The following KCNK1 variants were observed in gnomAD, a reference collection of about 807,000 sequenced individuals.
KCNK1 encodes the protein potassium channel subfamily K member 1.
A neutral mutation model predicts 22.2 loss-of-function variants in KCNK1; 10 were observed. The observed-to-expected ratio is 0.45, with a 90% confidence interval of 0.28 to 0.76. The LOEUF (loss-of-function observed/expected upper bound fraction) is 0.76. KCNK1 is among the 30% of genes least tolerant of loss of function. The probability of loss-of-function intolerance (pLI) is 0.14; values close to 1 mark genes in which losing one functional copy is unlikely to be tolerated. For synonymous variants in KCNK1, 200 were observed against 186.4 expected (o/e 1.07, Z -0.60); for missense variants, 378 against 421.0 (o/e 0.90, Z 0.89).
In KCNK1 at chr1:233,671,349, G is replaced by C; in HGVS notation, c.830G>C (p.Arg277Thr). The change falls in exon 3 of 3, where the codon AGA (arginine) becomes ACA (threonine). Residue 277 changes from arginine (R) to threonine (T), a missense_variant. Coordinates refer to ENST00000366621, the MANE Select transcript of KCNK1 (RefSeq NM_002245.4). ...FCELHELKKFRKMFYVKKDKD... is the reference protein window; with the variant it reads ...FCELHELKKFTKMFYVKKDKD... Reference sequence around the variant, plus strand: ...GAACTCCATGAGCTGAAAAAATTCAGAAAAATGTTCTATGTGAAGAAGGAC... The same window carrying C: ...GAACTCCATGAGCTGAAAAAATTCACAAAAATGTTCTATGTGAAGAAGGAC... 6.2e-7 allele frequency: 1 copy of C among 1,614,162 alleles called. No individual in the cohort carries two copies. The highest frequency in any genetic ancestry group is 1.1e-5 in the South Asian group (1 of 91,082).
rs1379599600 is a variant in KCNK1 at position 233,671,794 on chromosome 1, G to A, written c.*264G>A. ...ACAAAATTATCTCGACCTTACATAG[G>A]AGGAGAATACTTGAAGCAGTATGCT... On this transcript the variant is annotated 3_prime_UTR_variant, in exon 3 of 3. Transcript: ENST00000366621. 6.3e-6 allele frequency: 3 copies of A among 473,872 alleles called. No individual in the cohort carries two copies. The highest frequency in any genetic ancestry group is 1.1e-5 in the Non-Finnish European group (3 of 265,010). 29.4% of individuals were successfully genotyped at this position (473,872 alleles called of 1,614,324 possible).
At chr1:233,616,553 A>G (rs1457455841) in intron 1 of KCNK1, among the ~76,000 whole-genome samples, 22 of 152,198 alleles carry the variant, frequency 1.4e-4, no homozygotes, top group Admixed American at 1.4e-3. Context: ...ACAAGTGTTC[A>G]TTTAAGAAAT....
chr1:233,650,118 A>C, intron 1 of KCNK1: 1 of 498,156 alleles, frequency 2.0e-6, no homozygotes, highest in Non-Finnish European at 4.1e-6. Context: ...GGAGACCTAC[A>C]GTTCTCACCA....
At chr1:233,637,120 C>G (rs547126446) in intron 1 of KCNK1, among the ~76,000 whole-genome samples, 54 of 147,776 alleles carry the variant, frequency 3.7e-4, no homozygotes, top group Admixed American at 1.3e-3. Flanking sequence ...GGCGTGAACC[C>G]AGGAGGCGGA....
At chr1:233,670,453 C>G (rs539950889) in intron 2 of KCNK1, among the ~76,000 whole-genome samples, 1 of 152,248 alleles carries the variant, frequency 6.6e-6, no homozygotes, top group Non-Finnish European at 1.5e-5. Flanking sequence ...CGAGACTGGA[C>G]AATTTACAAA....
chr1:233,619,695 C>G (rs889178997), intron 1 of KCNK1, among the ~76,000 whole-genome samples: 1 of 151,920 alleles, frequency 6.6e-6, no homozygotes, highest in African/African-American at 2.4e-5. Flanking sequence ...GTGGATCACG[C>G]AGTCAGGAGT....
At chr1:233,636,236 T>G (rs971022792) in intron 1 of KCNK1, among the ~76,000 whole-genome samples, 15 of 152,144 alleles carry the variant, frequency 9.9e-5, no homozygotes, top group African/African-American at 3.6e-4. Context: ...TTGAGTGAAG[T>G]TGAGGAGTAA....
chr1:233,623,511 ATG>A (rs1268585955), intron 1 of KCNK1, among the ~76,000 whole-genome samples: 1 of 152,248 alleles, frequency 6.6e-6, no homozygotes, highest in Admixed American at 6.5e-5. Context: ...ACTGTACATT[ATG>A]TGTATTGAGG....
Position 233,614,162 on chromosome 1 carries a change from G to A in KCNK1, c.-10G>A, listed in dbSNP as rs759450842. On this transcript the variant is annotated 5_prime_UTR_variant, in exon 1 of 3. Transcript: ENST00000366621. ...CTGCGGCGTTGGCCTTGGCGGCGGC[G>A]GTGGAGAAGATGCTGCAGTCCCTGG... is the stretch of plus-strand genomic sequence containing the variant. 3.3e-6 allele frequency: 4 copies of A among 1,206,622 alleles called. No individual in the cohort carries two copies. The highest frequency in any genetic ancestry group is 4.4e-6 in the Non-Finnish European group (4 of 899,018). 74.7% of individuals were successfully genotyped at this position (1,206,622 alleles called of 1,614,324 possible). A position where few individuals can be genotyped will look rare whatever the true frequency, so the allele number is the denominator to read the frequency against.
chr1:233,650,444 G>T (rs1279077106), intron 1 of KCNK1, among the ~76,000 whole-genome samples: 1 of 152,176 alleles, frequency 6.6e-6, no homozygotes, highest in Admixed American at 6.5e-5. Context: ...GAACAGAGGG[G>T]AGCATATAGT....
chr1:233,615,063 T>C (rs13374926), intron 1 of KCNK1, among the ~76,000 whole-genome samples: 5,026 of 152,312 alleles, frequency 0.033, 278 homozygotes, highest in African/African-American at 0.11. Flanking sequence ...CTTTGGACCA[T>C]GCACAGATAT....
At chr1:233,641,542 T>C (rs955085170) in intron 1 of KCNK1, among the ~76,000 whole-genome samples, 1 of 152,218 alleles carries the variant, frequency 6.6e-6, no homozygotes, top group African/African-American at 2.4e-5. Context: ...TCTCACACTG[T>C]AAGGTCTGGC....
intron 1 of KCNK1, among the ~76,000 whole-genome samples, chr1:233,619,917 AGGGGGGCG>A (rs1178885828): frequency 7.2e-3 from 5 of 698 alleles, no homozygotes; most frequent in Non-Finnish European, 8.3e-3. Flanking sequence ...CGTCTAAGCG[AGGGGGGCG>A]GGGGGGCGGG....
chr1:233,657,441 G>A (rs940856464), intron 1 of KCNK1, among the ~76,000 whole-genome samples: 6 of 152,126 alleles, frequency 3.9e-5, no homozygotes, highest in South Asian at 2.1e-4. Flanking sequence ...TGATCTGCCC[G>A]CAGTAACCTA....
rs1322257441 is a variant in KCNK1 at position 233,647,723 on chromosome 1, A to G, written c.356-18872A>G. Among the ~76,000 whole-genome samples the G allele has an allele frequency of 8.5e-5, 13 of 152,176 alleles. 1 individual carries two copies. The highest frequency in any genetic ancestry group is 8.5e-4 in the Admixed American group (13 of 15,286). ...CAGGATGTTGGAAGTCGGATTCAGC[A>G]TGTGTGGGTGAGCTCCTGTAGCTTT... On this transcript the variant is annotated intron_variant, in intron 1 of 2. Coordinates refer to ENST00000366621, the MANE Select transcript of KCNK1 (RefSeq NM_002245.4).
At chr1:233,622,025 C>T (rs1657596993) in intron 1 of KCNK1, among the ~76,000 whole-genome samples, 1 of 152,038 alleles carries the variant, frequency 6.6e-6, no homozygotes. Flanking sequence ...AATGATGTCT[C>T]TTCTTTTATG....
Position 233,666,864 on chromosome 1 carries a change from G to A in KCNK1, c.625G>A (p.Asp209Asn), listed in dbSNP as rs185527931. The A allele has an allele frequency of 6.2e-7, 1 of 1,614,142 alleles. No individual in the cohort carries two copies. The highest frequency in any genetic ancestry group is 1.3e-5 in the African/African-American group (1 of 75,026). Residue 209 changes from aspartate to asparagine, a missense_variant, in exon 2 of 3, where the codon GAC becomes AAC. By Grantham distance (23) the Asp-to-Asn change is conservative. Transcript: ENST00000366621. ...PAAVFSVLED[D>N]WNFLESFYFC... ...CGCTGTCTTCTCAGTCCTGGAGGAT[G>A]ACTGGAACTTCCTGGAATCCTTTTA...
chr1:233,620,982 G>A (rs545999152), intron 1 of KCNK1, among the ~76,000 whole-genome samples: 3 of 152,142 alleles, frequency 2.0e-5, no homozygotes, highest in South Asian at 2.1e-4. Flanking sequence ...AGGATGAAAC[G>A]GAAATTAATA....
At chr1:233,631,303 A>C (rs1244282319) in intron 1 of KCNK1, 2 of 531,330 alleles carry the variant, frequency 3.8e-6, no homozygotes, top group South Asian at 2.8e-5. Context: ...CACTCACTGA[A>C]CCCCTAATGT....
Sources: allele counts gnomAD v4.1 joint callset (sites outside exome capture counted in the v4.1 genomes callset), GRCh38; gene constraint gnomAD v4.1.1; transcripts MANE v1.5; gene names NCBI Gene and HGNC (gene_info 2026-07-23, HGNC 2026-07-21).